MYO1D: variants seen among roughly 807,000 people sequenced by gnomAD.
MYO1D encodes the protein unconventional myosin-Id.
In MYO1D, 83 loss-of-function variants were observed where a neutral mutation model predicts 122.0. The observed-to-expected ratio is 0.68, with a 90% CI of 0.57 to 0.82. The LOEUF (loss-of-function observed/expected upper bound fraction) is 0.82. Among genes scored for constraint, MYO1D ranks in the 40% least tolerant of loss-of-function variants. The pLI is 0.00. For synonymous variants in MYO1D, 464 were observed against 446.9 expected (o/e 1.04, Z -0.48); for missense variants, 1,157 against 1,269.5 (o/e 0.91, Z 1.35).
intron 21 of MYO1D, among the ~76,000 whole-genome samples, chr17:32,576,240 A>T (rs2087277437): frequency 6.6e-6 from 1 of 152,184 alleles, no homozygotes; most frequent in South Asian, 2.1e-4. Context: ...AAGCACTATG[A>T]CTGATGGCAA....
At chr17:32,536,734 C>T (rs10775410) in intron 21 of MYO1D, among the ~76,000 whole-genome samples, 55,318 of 152,108 alleles carry the variant, frequency 0.36, 11,613 homozygotes, top group Non-Finnish European at 0.46. Flanking sequence ...TTCTTAGAAT[C>T]GGATCTGGGT....
chr17:32,674,265 C>T (rs1485414057), intron 16 of MYO1D, among the ~76,000 whole-genome samples: 1 of 152,168 alleles, frequency 6.6e-6, no homozygotes, highest in Non-Finnish European at 1.5e-5. Context: ...GGGTTCTTCA[C>T]CTGTACACTG....
At chr17:32,591,437 G>T (rs2087437724) in intron 21 of MYO1D, among the ~76,000 whole-genome samples, 1 of 152,160 alleles carries the variant, frequency 6.6e-6, no homozygotes, top group Non-Finnish European at 1.5e-5. Context: ...CCATTGCTTA[G>T]AATGACAGGC....
intron 1 of MYO1D, among the ~76,000 whole-genome samples, chr17:32,782,889 C>T (rs1005378633): frequency 4.6e-5 from 7 of 151,746 alleles, no homozygotes; most frequent in Non-Finnish European, 7.4e-5. Flanking sequence ...GAGGCAAGAT[C>T]GCACCACTGC....
intron 20 of MYO1D, among the ~76,000 whole-genome samples, chr17:32,607,835 C>A (rs1287864705): frequency 6.6e-6 from 1 of 151,882 alleles, no homozygotes; most frequent in African/African-American, 2.4e-5. Flanking sequence ...AACAGACTCA[C>A]GTGAATATGG....
intron 17 of MYO1D, among the ~76,000 whole-genome samples, chr17:32,655,161 A>C (rs1159117764): frequency 6.6e-6 from 1 of 152,234 alleles, no homozygotes; most frequent in Non-Finnish European, 1.5e-5. Flanking sequence ...AAGCAACTAG[A>C]ACTTAGTGAT....
intron 21 of MYO1D, among the ~76,000 whole-genome samples, chr17:32,594,871 T>G (rs1309792079): frequency 1.3e-5 from 2 of 152,146 alleles, no homozygotes; most frequent in Non-Finnish European, 2.9e-5. Context: ...CTGATCTGAG[T>G]AGGAATTCCT....
chr17:32,590,898 A>G (rs1425572090), intron 21 of MYO1D, among the ~76,000 whole-genome samples: 1 of 152,266 alleles, frequency 6.6e-6, no homozygotes, highest in Non-Finnish European at 1.5e-5. Context: ...TTTAAAAAGT[A>G]ATATGATTAC....
intron 21 of MYO1D, among the ~76,000 whole-genome samples, chr17:32,545,835 G>A (rs1484924516): frequency 1.3e-5 from 2 of 151,218 alleles, no homozygotes; most frequent in Admixed American, 1.3e-4. Context: ...CAGAAAGTAG[G>A]ATGAAATGCT....
chr17:32,722,513 TATG>T (rs1201516435), intron 14 of MYO1D, among the ~76,000 whole-genome samples: 1 of 152,244 alleles, frequency 6.6e-6, no homozygotes, highest in Non-Finnish European at 1.5e-5. Context: ...TTGAGTCTTT[TATG>T]ATGTCACCTC....
intron 19 of MYO1D, among the ~76,000 whole-genome samples, chr17:32,643,029 T>C (rs969128542): frequency 2.6e-5 from 4 of 152,232 alleles, no homozygotes; most frequent in Admixed American, 2.6e-4. Context: ...TTCCACTTTT[T>C]GCCCATTCAG....
chr17:32,813,737 G>A (rs1025445949), intron 1 of MYO1D, among the ~76,000 whole-genome samples: 2 of 152,278 alleles, frequency 1.3e-5, no homozygotes, highest in South Asian at 2.1e-4. Flanking sequence ...CTACAGCATG[G>A]AAGTCTTAAG....
chr17:32,703,909 G>A (rs2089276959), intron 16 of MYO1D, among the ~76,000 whole-genome samples: 1 of 152,116 alleles, frequency 6.6e-6, no homozygotes, highest in South Asian at 2.1e-4. Context: ...ACACATAGAA[G>A]ATGAATGATA....
intron 1 of MYO1D, among the ~76,000 whole-genome samples, chr17:32,788,463 T>A (rs2090319451): frequency 6.6e-6 from 1 of 152,170 alleles, no homozygotes; most frequent in Non-Finnish European, 1.5e-5. Flanking sequence ...GATTTTTGCA[T>A]AAGGACCCAG....
chr17:32,625,663 C>T (rs1033703747), intron 20 of MYO1D, among the ~76,000 whole-genome samples: 4 of 151,972 alleles, frequency 2.6e-5, no homozygotes, highest in African/African-American at 9.7e-5. Context: ...AATTGTCCTT[C>T]CTCAGCCTCC....
At chr17:32,864,117 T>C (rs1053171622) in intron 1 of MYO1D, among the ~76,000 whole-genome samples, 2 of 147,422 alleles carry the variant, frequency 1.4e-5, no homozygotes, top group African/African-American at 5.0e-5. Context: ...GTTTTTCCAA[T>C]GTGATAGCAT....
chr17:32,494,957 C>A, intron 21 of MYO1D, 42 bp from the exon 22 acceptor site: 1 of 1,554,232 alleles, frequency 6.4e-7, no homozygotes, highest in Non-Finnish European at 8.7e-7. Flanking sequence ...TAGCAGGCAG[C>A]ATGAGAACAG....
intron 15 of MYO1D, among the ~76,000 whole-genome samples, chr17:32,717,465 C>A (rs2089462738): frequency 6.6e-6 from 1 of 152,168 alleles, no homozygotes; most frequent in South Asian, 2.1e-4. Context: ...TGCTTTTTTG[C>A]ATATATCCTG....
intron 19 of MYO1D, among the ~76,000 whole-genome samples, chr17:32,643,822 T>G (rs2088243421): frequency 6.6e-6 from 1 of 152,212 alleles, no homozygotes; most frequent in African/African-American, 2.4e-5. Flanking sequence ...TTCTTCTTTA[T>G]GAGTCTTGCT....
Sources: gnomAD v4.1 joint callset for allele counts (sites outside exome capture counted in the v4.1 genomes callset) on GRCh38, gnomAD v4.1.1 for gene constraint, MANE v1.5 for transcripts, NCBI Gene and HGNC (gene_info 2026-07-23, HGNC 2026-07-21) for gene names.